PRKN: variants seen among roughly 807,000 people sequenced by gnomAD.
PRKN encodes E3 ubiquitin-protein ligase parkin.
In PRKN, 56 loss-of-function variants were observed where a neutral mutation model predicts 59.5. The ratio of observed to expected loss-of-function variants is 0.94; its 90% CI spans 0.76 to 1.18. The LOEUF is 1.18. PRKN is among the 50% of genes most tolerant of loss of function. The pLI is 0.00. For missense variants in PRKN, 657 were observed against 596.4 expected, an observed-to-expected ratio of 1.10 and a Z score of -1.06; for synonymous variants, 250 against 222.1, an observed-to-expected ratio of 1.13 and a Z score of -1.12.
chr6:161,654,287 A>T (rs932272987), intron 7 of PRKN, among the ~76,000 whole-genome samples: 3 of 152,210 alleles, frequency 2.0e-5, no homozygotes, highest in African/African-American at 7.2e-5. Flanking sequence ...GAAAATGTAT[A>T]CATCATTTGG....
chr6:162,101,952 T>C (rs910783774), intron 4 of PRKN, among the ~76,000 whole-genome samples: 7 of 152,224 alleles, frequency 4.6e-5, no homozygotes, highest in African/African-American at 1.7e-4. Flanking sequence ...ATTGATACAC[T>C]ATTAGCATTT....
chr6:161,545,063 A>G lies in PRKN; in HGVS notation c.1083+3791T>C, dbSNP rs1779747809. 11 of 808,750 alleles carry G rather than the reference A, an allele frequency of 1.4e-5. No homozygotes were observed. The highest frequency in any genetic ancestry group is 1.8e-5 in the African/African-American group (1 of 55,116). The allele number at this position is 808,750 out of a possible 1,614,324, so 50.1% of individuals were successfully genotyped here. A position where few individuals can be genotyped will look rare whatever the true frequency, so the allele number is the denominator to read the frequency against. On this transcript the variant is annotated intron_variant, in intron 9 of 11. Coordinates refer to ENST00000366898, the MANE Select transcript of PRKN (RefSeq NM_004562.3). This position sits in a 1 kb window ranked among gnomAD's most constrained non-coding sequence, Gnocchi z 4.1. Reference sequence around the variant, plus strand: ...AATCCTCTGGAGCCCAGAGCTCAACACATGGGTGTCTAGCTCCGAACAATT... The same window carrying G: ...AATCCTCTGGAGCCCAGAGCTCAACGCATGGGTGTCTAGCTCCGAACAATT...
At chr6:162,724,150 T>C (rs571963331) in intron 1 of PRKN, among the ~76,000 whole-genome samples, 26 of 152,352 alleles carry the variant, frequency 1.7e-4, no homozygotes, top group African/African-American at 5.5e-4. Flanking sequence ...TTGCTCATTT[T>C]TAAAAAAGTC....
At chr6:161,966,353 T>A (rs927222644) in intron 6 of PRKN, among the ~76,000 whole-genome samples, 3 of 152,152 alleles carry the variant, frequency 2.0e-5, no homozygotes, top group Non-Finnish European at 4.4e-5. Context: ...TTAAAAAATT[T>A]AGAAAACTGG....
intron 2 of PRKN, among the ~76,000 whole-genome samples, chr6:162,355,360 C>G (rs1784807710): frequency 6.6e-6 from 1 of 151,158 alleles, no homozygotes; most frequent in Admixed American, 6.6e-5. Flanking sequence ...GATATGAGAA[C>G]TGGAACTTAA....
At chr6:161,776,090 A>G (rs1300577036) in intron 7 of PRKN, among the ~76,000 whole-genome samples, 1 of 152,238 alleles carries the variant, frequency 6.6e-6, no homozygotes, top group Non-Finnish European at 1.5e-5. Context: ...CAGCCCCTAG[A>G]GCAACAGAAA....
intron 1 of PRKN, among the ~76,000 whole-genome samples, chr6:162,618,364 A>G (rs1051449150): frequency 2.0e-5 from 3 of 152,148 alleles, no homozygotes; most frequent in Non-Finnish European, 2.9e-5. Flanking sequence ...CTTGGTAACT[A>G]TGCTGCCAAC....
intron 2 of PRKN, among the ~76,000 whole-genome samples, chr6:162,415,731 C>T (rs1562747939): frequency 1.3e-5 from 2 of 151,972 alleles, no homozygotes; most frequent in African/African-American, 4.8e-5. Context: ...GCAAGGGAAT[C>T]GCTTGAACCC....
intron 1 of PRKN, among the ~76,000 whole-genome samples, chr6:162,702,439 T>G (rs564233343): frequency 6.6e-6 from 1 of 152,142 alleles, no homozygotes; most frequent in Non-Finnish European, 1.5e-5. Context: ...AAAGCTTCCA[T>G]TAAACAAAAC....
intron 4 of PRKN, among the ~76,000 whole-genome samples, chr6:162,145,738 G>A (rs546898511): frequency 2.6e-5 from 4 of 152,226 alleles, no homozygotes; most frequent in Middle Eastern, 3.4e-3. Context: ...GTGTTGGCCC[G>A]CAATCAGCAT....
At chr6:162,301,202 G>A (rs1439191236) in intron 2 of PRKN, among the ~76,000 whole-genome samples, 1 of 152,198 alleles carries the variant, frequency 6.6e-6, no homozygotes, top group African/African-American at 2.4e-5. Context: ...TGCATCAAGC[G>A]CTTTGGGAGC....
intron 7 of PRKN, among the ~76,000 whole-genome samples, chr6:161,694,814 G>T (rs544926439): frequency 3.9e-5 from 6 of 152,320 alleles, no homozygotes; most frequent in African/African-American, 1.4e-4. Context: ...AGAATTCTCA[G>T]CTGAGTTGTG....
At chr6:162,352,006 C>T (rs974667395) in intron 2 of PRKN, among the ~76,000 whole-genome samples, 7 of 152,250 alleles carry the variant, frequency 4.6e-5, no homozygotes, top group Middle Eastern at 3.4e-3. Context: ...CCACCCCCTC[C>T]GGACACCAGA....
At chr6:162,488,348 C>T (rs192592798) in intron 1 of PRKN, among the ~76,000 whole-genome samples, 9 of 152,228 alleles carry the variant, frequency 5.9e-5, no homozygotes, top group East Asian at 1.9e-4. Flanking sequence ...GTATGTCCCA[C>T]GACAATAAAA....
intron 8 of PRKN, among the ~76,000 whole-genome samples, chr6:161,558,199 T>G (rs1171483048): frequency 1.3e-5 from 2 of 152,150 alleles, no homozygotes; most frequent in African/African-American, 4.8e-5. Context: ...GCATTAGAAC[T>G]AAGGCTGAAA....
At chr6:161,364,554 G>GT (rs1407602261) in intron 10 of PRKN, among the ~76,000 whole-genome samples, 1 of 150,896 alleles carries the variant, frequency 6.6e-6, no homozygotes, top group Admixed American at 6.6e-5. Context: ...AGAAGAAACT[G>GT]TGAGAAAAGA....
intron 1 of PRKN, among the ~76,000 whole-genome samples, chr6:162,522,707 A>G (rs951889520): frequency 3.3e-5 from 5 of 152,100 alleles, no homozygotes; most frequent in Non-Finnish European, 7.4e-5. Flanking sequence ...CCCATGCTCT[A>G]AAGTCTTTCT....
intron 9 of PRKN, among the ~76,000 whole-genome samples, chr6:161,522,504 G>A (rs556214017): frequency 1.5e-4 from 23 of 152,328 alleles, no homozygotes; most frequent in Non-Finnish European, 1.2e-4. Context: ...TGCATTAATA[G>A]ATATGGATCC....
At chr6:162,009,902 C>G (rs757008242) in intron 5 of PRKN, among the ~76,000 whole-genome samples, 3 of 151,572 alleles carry the variant, frequency 2.0e-5, no homozygotes, top group African/African-American at 7.3e-5. Flanking sequence ...CACCACTGCA[C>G]TCCAGCCTGG....
Sources: gnomAD v4.1 joint callset for allele counts (sites outside exome capture counted in the v4.1 genomes callset) on GRCh38, gnomAD v4.1.1 for gene constraint, Gnocchi (gnomAD v3.1) non-coding constraint, MANE v1.5 for transcripts, NCBI Gene and HGNC (gene_info 2026-07-23, HGNC 2026-07-21) for gene names.